Variants in JAK1 observed in about 807,000 individuals in gnomAD.
JAK1 encodes the protein Janus kinase 1.
JAK1 carries 16 observed loss-of-function variants against 136.6 expected under a neutral mutation model. The observed-to-expected ratio is 0.12, with a 90% CI of 0.08 to 0.18. JAK1 has a LOEUF of 0.18. Ranked by LOEUF, JAK1 falls within the 10% of genes least tolerant of loss-of-function variation. The pLI, the probability that JAK1 is intolerant of heterozygous loss-of-function variation, is 1.00. For missense variants in JAK1, 859 were observed against 1,450.1 expected (o/e 0.59, Z 6.62); for synonymous variants, 492 against 519.5 (o/e 0.95, Z 0.72).
Position 64,867,109 on chromosome 1 carries a change from C to T in JAK1, c.747G>A (p.Lys249=), listed in dbSNP as rs1210692562. ...RINNVFKDFL[K]EFNNKTICDS... is the part of the protein sequence containing the mutation. The stretch of plus-strand genomic sequence containing the variant: ...CACAAATGGTCTTGTTGTTAAATTC[C>T]TTTAGGAAATCCTTGAAAACATTAT... The change falls in exon 7 of 25, where the codon AAG becomes AAA. Residue 249 remains lysine, a synonymous_variant. Transcript: ENST00000342505. 4.3e-6 allele frequency: 7 copies of T among 1,613,724 alleles called. No individual in the cohort carries two copies. The highest frequency in any genetic ancestry group is 5.9e-6 in the Non-Finnish European group (7 of 1,179,730).
chr1:64,943,902 CA>C (rs1645933837), intron 1 of JAK1, among the ~76,000 whole-genome samples: 1 of 150,480 alleles, frequency 6.6e-6, no homozygotes, highest in South Asian at 2.1e-4. Flanking sequence ...CAATCCACAT[CA>C]AAAAAATGAG....
chr1:65,006,001 C>T (rs755942422), intron 2 of JAK1, among the ~76,000 whole-genome samples: 1 of 152,146 alleles, frequency 6.6e-6, no homozygotes, highest in Non-Finnish European at 1.5e-5. Context: ...CATTTTAGGA[C>T]ATCTCACAAT....
At chr1:65,022,037 C>T (rs1646942529) in intron 2 of JAK1, among the ~76,000 whole-genome samples, 1 of 152,154 alleles carries the variant, frequency 6.6e-6, no homozygotes, top group African/African-American at 2.4e-5. Flanking sequence ...GGGAGGAATA[C>T]ACAGTAGCAG....
At chr1:64,971,074 A>G (rs535176498), upstream of JAK1, among the ~76,000 whole-genome samples, 24 of 152,356 alleles carry the variant, frequency 1.6e-4, no homozygotes, top group East Asian at 2.5e-3. Context: ...ATGTTTTTTC[A>G]ACAACACTAA....
At chr1:65,000,904 T>C (rs975002212) in intron 2 of JAK1, among the ~76,000 whole-genome samples, 2 of 151,900 alleles carry the variant, frequency 1.3e-5, no homozygotes, top group Non-Finnish European at 2.9e-5. Context: ...GTTTTTGAGA[T>C]GGGGTCTCAC....
At chr1:64,996,546 C>T (rs1646705619) in intron 2 of JAK1, among the ~76,000 whole-genome samples, 1 of 152,182 alleles carries the variant, frequency 6.6e-6, no homozygotes, top group Non-Finnish European at 1.5e-5. Flanking sequence ...TTGTATCTAA[C>T]AGATACATTC....
intron 21 of JAK1, 102 bp downstream of exon 21, chr1:64,838,363 T>C (rs1442967378): frequency 1.6e-6 from 2 of 1,236,168 alleles, no homozygotes; most frequent in Non-Finnish European, 2.3e-6. Context: ...ACAAACAGTA[T>C]AATTATCATA....
At chr1:64,999,408 C>T (rs1022000410) in intron 2 of JAK1, among the ~76,000 whole-genome samples, 2 of 152,148 alleles carry the variant, frequency 1.3e-5, no homozygotes, top group African/African-American at 4.8e-5. Flanking sequence ...CTCAGTACTC[C>T]CCATTAACTT....
chr1:65,018,497 C>CACACAA lies in JAK1; in HGVS notation c.-78+25982_-78+25983insTTGTGT, dbSNP rs144734421. ...GAGAGAGAGAGAGAGAACACACACA[C>CACACAA]ACACACACACACACACACACGCTAT... is the stretch of plus-strand genomic sequence containing the variant. On this transcript the variant is annotated intron_variant, in intron 2 of 25. Coordinates refer to the JAK1 transcript ENST00000671954. Among the ~76,000 whole-genome samples the CACACAA allele has an allele frequency of 4.0e-5, 6 of 151,322 alleles. No individual in the cohort carries two copies. The East Asian group carries it at 7.8e-4, about 20-fold the overall frequency.
chr1:64,949,785 T>C (rs1646049224), intron 1 of JAK1, among the ~76,000 whole-genome samples: 1 of 152,208 alleles, frequency 6.6e-6, no homozygotes, highest in Non-Finnish European at 1.5e-5. Context: ...TTTGACACAG[T>C]AAATCTATGC....
chr1:64,914,947 A>C (rs1354264452), intron 1 of JAK1, among the ~76,000 whole-genome samples: 1 of 152,186 alleles, frequency 6.6e-6, no homozygotes, highest in Non-Finnish European at 1.5e-5. Flanking sequence ...CCTCAATACA[A>C]GATAAGGCAC....
At chr1:64,902,040 C>G (rs577016176) in intron 1 of JAK1, among the ~76,000 whole-genome samples, 3 of 152,160 alleles carry the variant, frequency 2.0e-5, no homozygotes, top group Admixed American at 6.5e-5. Flanking sequence ...TGATGATACT[C>G]CTTAATCTTA....
At chr1:64,920,768 G>T (rs577000310) in intron 1 of JAK1, among the ~76,000 whole-genome samples, 8 of 152,090 alleles carry the variant, frequency 5.3e-5, no homozygotes, top group Non-Finnish European at 1.0e-4. Flanking sequence ...CAGGCAGGCA[G>T]AATAAATGAC....
chr1:64,983,213 C>G (rs1247905516), intron 2 of JAK1, among the ~76,000 whole-genome samples: 1 of 152,150 alleles, frequency 6.6e-6, no homozygotes, highest in African/African-American at 2.4e-5. Context: ...AGCAAAGTGA[C>G]AGTGCACATA....
At chr1:65,045,519 T>G (rs560998622) in intron 1 of JAK1, among the ~76,000 whole-genome samples, 4 of 143,416 alleles carry the variant, frequency 2.8e-5, no homozygotes, top group African/African-American at 1.2e-4. Context: ...AAGCATGAAA[T>G]CATGGTGGCT....
chr1:64,914,262 C>T (rs1645353316), intron 1 of JAK1, among the ~76,000 whole-genome samples: 1 of 152,136 alleles, frequency 6.6e-6, no homozygotes, highest in Non-Finnish European at 1.5e-5. Context: ...AAAATAAACA[C>T]GATCTACTCG....
intron 1 of JAK1, among the ~76,000 whole-genome samples, chr1:64,897,904 T>C (rs548522403): frequency 1.3e-5 from 2 of 152,266 alleles, no homozygotes; most frequent in African/African-American, 4.8e-5. Context: ...TTTTTAAAGA[T>C]TCTTAATGAA....
At chr1:64,861,655 G>A (rs1247513933) in intron 8 of JAK1, among the ~76,000 whole-genome samples, 1 of 152,138 alleles carries the variant, frequency 6.6e-6, no homozygotes. Flanking sequence ...GAAATGAGAG[G>A]ACAGTGAAGG....
intron 7 of JAK1, among the ~76,000 whole-genome samples, chr1:64,865,410 T>C (rs1656635665): frequency 6.6e-6 from 1 of 152,192 alleles, no homozygotes; most frequent in African/African-American, 2.4e-5. Context: ...GTAACAGTAC[T>C]CAAGTCGGGA....
Sources: allele counts gnomAD v4.1 joint callset (sites outside exome capture counted in the v4.1 genomes callset), GRCh38; gene constraint gnomAD v4.1.1; transcripts MANE v1.5; gene names NCBI Gene and HGNC (gene_info 2026-07-23, HGNC 2026-07-21).